The following MME variants were observed in gnomAD, a reference collection of about 807,000 sequenced individuals.
The protein encoded by MME is neprilysin.
Under a neutral mutation model 113.2 loss-of-function variants are expected in MME, and 98 were observed. The ratio of observed to expected loss-of-function variants is 0.87; its 90% confidence interval spans 0.74 to 1.02. The LOEUF is 1.02. Ranked by LOEUF, MME falls within the 50% of genes least tolerant of loss-of-function variation. The probability of loss-of-function intolerance (pLI) is 0.00; values close to 1 mark genes in which losing one functional copy is unlikely to be tolerated. For synonymous variants in MME, 292 were observed against 300.6 expected, an observed-to-expected ratio of 0.97 and a Z score of 0.30; for missense variants, 836 against 896.0, an observed-to-expected ratio of 0.93 and a Z score of 0.86.
At chr3:155,061,664 T>G (rs1293821874) in intron 1 of MME, among the ~76,000 whole-genome samples, 2 of 146,136 alleles carry the variant, frequency 1.4e-5, no homozygotes, top group Non-Finnish European at 3.0e-5. Flanking sequence ...TCTGTAGGTT[T>G]TTTTTTTTTT....
chr3:155,072,788 G>T (rs1714624559), intron 1 of MME, among the ~76,000 whole-genome samples: 1 of 152,124 alleles, frequency 6.6e-6, no homozygotes, highest in Non-Finnish European at 1.5e-5. Flanking sequence ...AGGTAAATTT[G>T]TTGGGCTGTA....
rs3821721 is a variant in MME, at chr3:155,114,517, G to C, written c.197-477G>C. On this transcript the variant is annotated intron_variant, in intron 3 of 22. Transcript: ENST00000360490. ...CCAGGAAGTAATAACAGTGTCTTCA[G>C]ATCTTTTCTAAAATGATAAAAATTC... Among the ~76,000 whole-genome samples, 190 of 152,320 alleles carry C rather than the reference G, an allele frequency of 1.2e-3. 4 individuals are homozygous for C. In the East Asian group the frequency reaches 0.03, roughly 24 times the overall value.
At chr3:155,030,765 A>AT (rs1286230302) in intron 1 of MME, among the ~76,000 whole-genome samples, 1 of 152,174 alleles carries the variant, frequency 6.6e-6, no homozygotes, top group Non-Finnish European at 1.5e-5. Flanking sequence ...TACATGTCAC[A>AT]TTTCTGTCTG....
At chr3:155,168,372 G>A (rs558162855) in intron 18 of MME, 120 bp from the exon 19 acceptor site, 24 of 905,092 alleles carry the variant, frequency 2.7e-5, no homozygotes, top group South Asian at 1.2e-4. Context: ...CTCTCTCATC[G>A]TCTGCCTAAT....
At chr3:155,087,249 G>GT (rs71624557) in intron 3 of MME, among the ~76,000 whole-genome samples, 1,867 of 120,922 alleles carry the variant, frequency 0.015, 25 homozygotes, top group South Asian at 0.026. Context: ...GTGCCCTTTG[G>GT]TTTTTTTTTT....
chr3:155,159,414 G>A (rs984662538), intron 16 of MME, among the ~76,000 whole-genome samples: 1 of 151,984 alleles, frequency 6.6e-6, no homozygotes, highest in Admixed American at 6.6e-5. Context: ...ACATTTAAGA[G>A]GTTATCTGAA....
intron 1 of MME, among the ~76,000 whole-genome samples, chr3:155,050,531 C>T (rs1272952171): frequency 6.6e-6 from 1 of 152,108 alleles, no homozygotes; most frequent in African/African-American, 2.4e-5. Flanking sequence ...TTCTGACTCA[C>T]GTGAGATAGT....
At chr3:155,143,252 A>G (rs140537252) in intron 12 of MME, among the ~76,000 whole-genome samples, 191 bp from the exon 13 acceptor site, 27 of 152,316 alleles carry the variant, frequency 1.8e-4, no homozygotes, top group Middle Eastern at 6.8e-3. Context: ...AAATATGCCT[A>G]GTTTTCAGAT....
At chr3:155,113,495 G>T (rs1327570461) in intron 3 of MME, among the ~76,000 whole-genome samples, 1 of 152,082 alleles carries the variant, frequency 6.6e-6, no homozygotes, top group Non-Finnish European at 1.5e-5. Flanking sequence ...GGCCAGGCTG[G>T]TATTGGACTC....
chr3:155,084,661 T>C (rs895071480), intron 2 of MME, among the ~76,000 whole-genome samples: 12 of 152,192 alleles, frequency 7.9e-5, no homozygotes, highest in Admixed American at 2.6e-4. Flanking sequence ...GTTGTGTCAT[T>C]GAAATTCTAA....
intron 8 of MME, among the ~76,000 whole-genome samples, chr3:155,132,162 A>G (rs1463967877): frequency 2.0e-5 from 3 of 152,170 alleles, no homozygotes; most frequent in African/African-American, 7.2e-5. Flanking sequence ...ATCTGACAGG[A>G]CAGTTTTCTG....
chr3:155,144,238 T>C, intron 13 of MME, 121 bp from the exon 14 acceptor site: 1 of 731,954 alleles, frequency 1.4e-6, no homozygotes, highest in East Asian at 2.6e-5. Context: ...ACAGTTTGTC[T>C]ATAAATTTAC....
At chr3:155,054,110 T>C (rs1051572101) in intron 1 of MME, among the ~76,000 whole-genome samples, 1 of 152,186 alleles carries the variant, frequency 6.6e-6, no homozygotes, top group African/African-American at 2.4e-5. Context: ...ACCCAGTTTG[T>C]GGTAATTTAT....
At chr3:155,133,065 A>T (rs1720292378) in intron 8 of MME, among the ~76,000 whole-genome samples, 1 of 106,306 alleles carries the variant, frequency 9.4e-6, no homozygotes, top group African/African-American at 3.3e-5. Flanking sequence ...AAAAAAAAAT[A>T]TATATATATA....
Position 155,027,458 on chromosome 3 carries a change from G to T in MME, c.-11+3134G>T, listed in dbSNP as rs376995972. On this transcript the variant is annotated intron_variant, in intron 1 of 22. Transcript: ENST00000492661. ...CTGCTGTGCTTGTTCAGCCTTAAAG[G>T]CTATTAGCGGATTTCTCCCAACCAC... Among the ~76,000 whole-genome samples, 289 of 152,286 alleles carry T rather than the reference G, an allele frequency of 1.9e-3. 8 individuals carry two copies. In the South Asian group the frequency reaches 0.053, roughly 28 times the overall value.
chr3:155,153,513 A>T (rs1365081769), intron 16 of MME, among the ~76,000 whole-genome samples: 1 of 152,206 alleles, frequency 6.6e-6, no homozygotes, highest in Non-Finnish European at 1.5e-5. Context: ...ATGAATTTTC[A>T]TTTAGAGTTC....
At chr3:155,027,786 T>C (rs946611511) in intron 1 of MME, among the ~76,000 whole-genome samples, 4 of 152,232 alleles carry the variant, frequency 2.6e-5, no homozygotes, top group Non-Finnish European at 5.9e-5. Flanking sequence ...TTAGGTGCTT[T>C]TTAAACTATA....
intron 22 of MME, among the ~76,000 whole-genome samples, chr3:155,174,063 C>A (rs975132271): frequency 2.6e-5 from 4 of 151,668 alleles, no homozygotes; most frequent in African/African-American, 9.7e-5. Flanking sequence ...AATAAGAATT[C>A]TTATGCATTT....
intron 17 of MME, among the ~76,000 whole-genome samples, chr3:155,166,213 A>G (rs1723084067): frequency 6.6e-6 from 1 of 152,014 alleles, no homozygotes; most frequent in Non-Finnish European, 1.5e-5. Flanking sequence ...ATTAAAAAAT[A>G]AACAAATATA....
Sources: allele counts gnomAD v4.1 joint callset (sites outside exome capture counted in the v4.1 genomes callset), GRCh38; gene constraint gnomAD v4.1.1; transcripts MANE v1.5; gene names NCBI Gene and HGNC (gene_info 2026-07-23, HGNC 2026-07-21).